Variants in HYDIN observed in about 807,000 individuals in gnomAD.
HYDIN encodes axonemal central pair apparatus protein HYDIN.
HYDIN carries 132 observed loss-of-function variants against 403.9 expected under a neutral mutation model. The ratio of observed to expected loss-of-function variants is 0.33; its 90% CI spans 0.28 to 0.38. The LOEUF is 0.38. HYDIN is among the 10% of genes least tolerant of loss of function. HYDIN has a pLI of 1.00. For synonymous variants in HYDIN, 1,202 were observed against 1,891.7 expected (o/e 0.64, Z 9.46); for missense variants, 2,827 against 5,009.5 (o/e 0.56, Z 13.15).
At chr16:71,004,314 CAAAAAAA>C (rs11383182) in intron 23 of HYDIN, among the ~76,000 whole-genome samples, 4 of 88,210 alleles carry the variant, frequency 4.5e-5, no homozygotes, top group East Asian at 3.1e-4. Context: ...AACTCCATTT[CAAAAAAA>C]AAAAAAAAAA....
chr16:70,917,180 C>T (rs2076866209), intron 47 of HYDIN, among the ~76,000 whole-genome samples: 2 of 152,236 alleles, frequency 1.3e-5, no homozygotes, highest in Admixed American at 1.3e-4. Context: ...CCTCAACCTC[C>T]CAAAGTGTGG....
At chr16:71,135,671 C>T (rs2084890088) in intron 8 of HYDIN, among the ~76,000 whole-genome samples, 1 of 152,208 alleles carries the variant, frequency 6.6e-6, no homozygotes, top group Non-Finnish European at 1.5e-5. Flanking sequence ...CTGGTGAGCA[C>T]ATGTGAGTCG....
intron 1 of HYDIN, among the ~76,000 whole-genome samples, chr16:71,199,492 T>A (rs1384347206): frequency 1.3e-5 from 2 of 152,182 alleles, no homozygotes; most frequent in Non-Finnish European, 2.9e-5. Flanking sequence ...AATTTTCATG[T>A]GCTCTCAGGG....
At chr16:71,025,829 C>T (rs1175839782) in intron 20 of HYDIN, among the ~76,000 whole-genome samples, 1 of 151,754 alleles carries the variant, frequency 6.6e-6, no homozygotes, top group African/African-American at 2.4e-5. Flanking sequence ...TTTCATGGGG[C>T]TTATAGTTCA....
At chr16:70,963,158 A>AT (rs1597425793) in intron 37 of HYDIN, among the ~76,000 whole-genome samples, 1 of 151,012 alleles carries the variant, frequency 6.6e-6, no homozygotes, top group Non-Finnish European at 1.5e-5. Context: ...CACTCTCTTC[A>AT]TGACTGTGAG....
chr16:71,020,949 T>C (rs1412208333), intron 21 of HYDIN, among the ~76,000 whole-genome samples: 1 of 151,694 alleles, frequency 6.6e-6, no homozygotes, highest in Non-Finnish European at 1.5e-5. Flanking sequence ...TGCTTCTGGA[T>C]AGAACTATTA....
At position 71,021,020 on chromosome 16, in the gene HYDIN, T is replaced by A. The variant is rs1363500261; in HGVS notation, c.3187-703A>T. The stretch of plus-strand genomic sequence containing the variant: ...TAAAAAGTTAGTTATATCTTATGCA[T>A]AAATATAGCTATCATTATAATGAAT... On this transcript the variant is annotated intron_variant, in intron 21 of 85. Coordinates refer to ENST00000393567, the MANE Select transcript of HYDIN (RefSeq NM_001270974.2). Among the ~76,000 whole-genome samples the A allele has an allele frequency of 6.0e-5, 9 of 150,868 alleles. No individual in the cohort carries two copies. In the East Asian group the frequency reaches 1.6e-3, roughly 26 times the overall value.
intron 41 of HYDIN, among the ~76,000 whole-genome samples, chr16:70,950,360 C>T (rs542366720): frequency 9.9e-5 from 15 of 152,172 alleles, no homozygotes; most frequent in African/African-American, 3.4e-4. Context: ...AAGTGATTCT[C>T]GTGCTTCAGC....
At chr16:70,964,921 C>G in intron 36 of HYDIN, 25 bp from the exon 37 acceptor site, 3 of 1,612,334 alleles carry the variant, frequency 1.9e-6, no homozygotes, top group Non-Finnish European at 2.5e-6. Context: ...AAAGAGAATC[C>G]TGTTGGTCTC....
At chr16:70,923,091 G>A (rs2077045264) in intron 45 of HYDIN, among the ~76,000 whole-genome samples, 2 of 150,990 alleles carry the variant, frequency 1.3e-5, no homozygotes, top group African/African-American at 4.8e-5. Context: ...TTCATAAATT[G>A]CAAAAGAAAA....
chr16:70,905,040 A>G (rs1165816621), intron 50 of HYDIN, among the ~76,000 whole-genome samples: 1 of 152,180 alleles, frequency 6.6e-6, no homozygotes, highest in Non-Finnish European at 1.5e-5. Flanking sequence ...GGCCCAAGGG[A>G]AAAAGAGGCA....
In HYDIN at chr16:70,807,990, T is replaced by C; in HGVS notation, c.14956A>G (p.Ser4986Gly). The C allele has an allele frequency of 6.2e-7, 1 of 1,614,156 alleles. No homozygotes were observed. The highest frequency in any genetic ancestry group is 8.5e-7 in the Non-Finnish European group (1 of 1,180,028). ...APGGQGGTEA[S>G]VEVLFEPSHL... ...CTGGGCTCGAATAAGACTTCCACAC[T>C]GGCTTCAGTGCCTCCCTGGCCTCCT... The change falls in exon 86 of 86, where the codon AGT (serine) becomes GGT (glycine). Residue 4986 changes from serine (S) to glycine (G), a missense_variant. Coordinates refer to ENST00000393567, the MANE Select transcript of HYDIN (RefSeq NM_001270974.2).
At chr16:70,839,247 A>G (rs1347769967) in intron 76 of HYDIN, among the ~76,000 whole-genome samples, 4 of 127,936 alleles carry the variant, frequency 3.1e-5, no homozygotes, top group Admixed American at 7.5e-5. Context: ...TGGTATTATT[A>G]TGACTACCAT....
intron 45 of HYDIN, among the ~76,000 whole-genome samples, chr16:70,929,076 G>A (rs1020046200): frequency 2.0e-5 from 3 of 151,942 alleles, no homozygotes; most frequent in Non-Finnish European, 2.9e-5. Context: ...GATCACCTGA[G>A]GTCAGGAGTT....
chr16:71,071,686 C>T (rs1481331150), intron 13 of HYDIN, among the ~76,000 whole-genome samples: 2 of 151,984 alleles, frequency 1.3e-5, no homozygotes, highest in South Asian at 2.1e-4. Flanking sequence ...AGAAGACTAG[C>T]AGAAACTAGC....
In HYDIN at chr16:70,970,752, T is replaced by C; in HGVS notation, c.5387A>G (p.Tyr1796Cys). The change falls in exon 36 of 86, where the codon TAC (tyrosine) becomes TGC (cysteine). Residue 1796 changes from tyrosine (Y) to cysteine (C), a missense_variant. Physicochemically the swap from Tyr to Cys is radical, Grantham distance 194. Coordinates refer to ENST00000393567, the MANE Select transcript of HYDIN (RefSeq NM_001270974.2). The stretch of plus-strand genomic sequence containing the variant: ...AATCTGAAACACCAGGGTTTGGCTG[T>C]AGAATTTCTGGAAAACATAAAAACA... ...VKFMPKEEKF[Y>C]SQTLVFQIAQ... 6.3e-7 allele frequency: 1 copy of C among 1,581,118 alleles called. No individual in the cohort carries two copies. Among genetic ancestry groups the C allele is most frequent in the Non-Finnish European group, 8.6e-7 (1 of 1,162,376 alleles).
Position 70,920,973 on chromosome 16 carries a change from T to C in HYDIN, c.7403A>G (p.Gln2468Arg). The change falls in exon 46 of 86, where the codon CAG (glutamine) becomes CGG (arginine). Residue 2468 changes from glutamine (Q) to arginine (R), a missense_variant. Coordinates refer to ENST00000393567, the MANE Select transcript of HYDIN (RefSeq NM_001270974.2). ...CCGGTCCCAGTACATGAGGATGTTC[T>C]GGACATCCTTCAGTGTCAATTCATA... ...KTYELTLKDV[Q>R]NILMYWDRKQ... 1 of 1,587,246 alleles carries C rather than the reference T, an allele frequency of 6.3e-7. No homozygotes were observed. The highest frequency in any genetic ancestry group is 8.6e-7 in the Non-Finnish European group (1 of 1,161,654).
intron 1 of HYDIN, among the ~76,000 whole-genome samples, chr16:71,192,066 A>AGGT (rs2087464021): frequency 6.6e-6 from 1 of 152,178 alleles, no homozygotes; most frequent in Non-Finnish European, 1.5e-5. Context: ...ACAGATAAGG[A>AGGT]AACTGAGGCA....
Position 70,938,752 on chromosome 16 carries a change from C to T in HYDIN, c.6857G>A (p.Arg2286His), listed in dbSNP as rs372606285. The T allele has an allele frequency of 5.8e-5, 94 of 1,613,900 alleles. No individual in the cohort carries two copies. The highest frequency in any genetic ancestry group is 7.5e-5 in the Non-Finnish European group (88 of 1,180,006). ...TTTCTCAAGAGCTCCCTTGTGCTTG[C>T]GTTCTGTGAGGGGAACAGAGACGGG... ...QEKAKKEQEE[R>H]KHKGALEKEK... The change falls in exon 44 of 86, where the codon CGC becomes CAC. Residue 2286 changes from arginine (R) to histidine (H), a missense_variant. Transcript: ENST00000393567.
Sources: gnomAD v4.1 joint callset for allele counts (sites outside exome capture counted in the v4.1 genomes callset) on GRCh38, gnomAD v4.1.1 for gene constraint, MANE v1.5 for transcripts, NCBI Gene and HGNC (gene_info 2026-07-23, HGNC 2026-07-21) for gene names.